FAM20B: variants seen among roughly 807,000 people sequenced by gnomAD.
The protein encoded by FAM20B is FAM20B glycosaminoglycan xylosylkinase, also known as glycosaminoglycan xylosylkinase.
FAM20B carries 23 observed loss-of-function variants against 43.8 expected under a neutral mutation model. The observed-to-expected ratio is 0.53, with a 90% CI of 0.38 to 0.74. The LOEUF is 0.74. Among genes scored for constraint, FAM20B ranks in the 30% least tolerant of loss-of-function variants. The probability of loss-of-function intolerance (pLI) is 0.00; values close to 1 mark genes in which losing one functional copy is unlikely to be tolerated. For missense variants in FAM20B, 440 were observed against 510.5 expected (o/e 0.86, Z 1.33); for synonymous variants, 178 against 192.4 (o/e 0.93, Z 0.62).
chr1:179,021,295 TA>T (rs1649602088), upstream of FAM20B, among the ~76,000 whole-genome samples: 1 of 151,840 alleles, frequency 6.6e-6, no homozygotes, highest in Non-Finnish European at 1.5e-5. Context: ...ATTGAGTCAA[TA>T]AAAAACAGCT....
At chr1:179,043,107 G>T (rs1262726538) in intron 1 of FAM20B, among the ~76,000 whole-genome samples, 2 of 152,096 alleles carry the variant, frequency 1.3e-5, no homozygotes, top group African/African-American at 4.8e-5. Context: ...CAAGCTGTTT[G>T]TACCAAGGGA....
chr1:179,028,581 AAAAC>A (rs374483150), intron 1 of FAM20B, among the ~76,000 whole-genome samples: 2,224 of 152,216 alleles, frequency 0.015, 72 homozygotes, highest in African/African-American at 0.051. Context: ...TCCGTCTCAA[AAAAC>A]AAACAAACAA....
chr1:179,021,732 A>C (rs1443228227), upstream of FAM20B, among the ~76,000 whole-genome samples: 1 of 152,232 alleles, frequency 6.6e-6, no homozygotes, highest in Non-Finnish European at 1.5e-5. Flanking sequence ...TATTTTCAGA[A>C]TAAAAAAGAA....
rs895564047 is a variant in FAM20B at position 179,072,603 on chromosome 1, C to G, written c.*459C>G. On this transcript the variant is annotated 3_prime_UTR_variant, in exon 8 of 8. Transcript: ENST00000263733. ...TAGTTACATTGGAATGCTTACTGTC[C>G]TACAGAGTGGCAGCAAATAAAACCT... The G allele has an allele frequency of 1.9e-5, 3 of 160,170 alleles. No homozygotes were observed. The highest frequency in any genetic ancestry group is 7.3e-5 in the African/African-American group (3 of 41,378). The allele number at this position is 160,170 out of a possible 1,614,324, so 9.9% of individuals were successfully genotyped here. A position where few individuals can be genotyped will look rare whatever the true frequency, so the allele number is the denominator to read the frequency against.
chr1:179,041,002 A>G (rs1303536902), intron 1 of FAM20B, among the ~76,000 whole-genome samples: 16 of 137,892 alleles, frequency 1.2e-4, no homozygotes, highest in Admixed American at 1.1e-3. Context: ...GGCGCTCCCC[A>G]CATCTCAGAC....
chr1:179,066,003 T>C (rs1315061889), intron 6 of FAM20B, among the ~76,000 whole-genome samples: 3 of 152,158 alleles, frequency 2.0e-5, no homozygotes, highest in African/African-American at 7.2e-5. Flanking sequence ...TGTGGGCTCT[T>C]CCCTCGTAAC....
At position 179,063,979 on chromosome 1, in the gene FAM20B, A is replaced by G. The variant is rs1409815003; in HGVS notation, c.627A>G (p.Pro209=). The change falls in exon 5 of 8, where the codon CCA becomes CCG. Residue 209 remains proline, a synonymous_variant. Transcript: ENST00000263733. ...GKCYYCRETE[P]ACADGDIMEG... Reference sequence around the variant, plus strand: ...GCTATTACTGCCGAGAAACAGAACCAGCTTGTGCTGATGGAGACATAATGG... The same window carrying G: ...GCTATTACTGCCGAGAAACAGAACCGGCTTGTGCTGATGGAGACATAATGG... The G allele has an allele frequency of 1.2e-6, 2 of 1,613,996 alleles. No individual in the cohort carries two copies. The highest frequency in any genetic ancestry group is 1.7e-6 in the Non-Finnish European group (2 of 1,179,900).
chr1:179,030,231 G>GTTTC (rs1161513280), intron 1 of FAM20B, among the ~76,000 whole-genome samples: 1 of 151,306 alleles, frequency 6.6e-6, no homozygotes, highest in African/African-American at 2.4e-5. Context: ...TTGTTTGTTT[G>GTTTC]TTTCTTATCG....
chr1:179,050,476 A>G (rs1238855540), intron 3 of FAM20B, 111 bp downstream of exon 3: 27 of 735,230 alleles, frequency 3.7e-5, no homozygotes, highest in Non-Finnish European at 4.7e-5. Flanking sequence ...ATAACTTGTT[A>G]TCGATTTTAG....
At chr1:179,056,612 C>T (rs1651229989) in intron 4 of FAM20B, among the ~76,000 whole-genome samples, 1 of 152,162 alleles carries the variant, frequency 6.6e-6, no homozygotes, top group Non-Finnish European at 1.5e-5. Context: ...CTGTGTATAG[C>T]TTTTTGTATT....
At chr1:179,019,443 G>T in the FAM20B span, among the ~76,000 whole-genome samples, 14 of 144,664 alleles carry the variant, frequency 9.7e-5, no homozygotes, top group East Asian at 1.4e-3. Context: ...TTTCTTTCTG[G>T]TTTTTTTTTT....
At chr1:179,053,358 C>A (rs1008827310) in intron 3 of FAM20B, among the ~76,000 whole-genome samples, 17 of 152,186 alleles carry the variant, frequency 1.1e-4, no homozygotes, top group Admixed American at 7.2e-4. Flanking sequence ...ATCACTTGAG[C>A]CCAGGAGTTC....
At chr1:179,063,545 G>A (rs909165817) in intron 4 of FAM20B, among the ~76,000 whole-genome samples, 5 of 152,152 alleles carry the variant, frequency 3.3e-5, no homozygotes, top group African/African-American at 9.7e-5. Flanking sequence ...CTGAGATCAC[G>A]CCACTGCACT....
intron 1 of FAM20B, among the ~76,000 whole-genome samples, chr1:179,040,804 C>T (rs1025428516): frequency 1.8e-4 from 27 of 151,964 alleles, no homozygotes; most frequent in African/African-American, 6.3e-4. Flanking sequence ...CGGAGACGCT[C>T]CTCACTTCCC....
At chr1:179,068,479 A>T (rs996014363) in intron 7 of FAM20B, among the ~76,000 whole-genome samples, 2 of 152,014 alleles carry the variant, frequency 1.3e-5, no homozygotes, top group Non-Finnish European at 2.9e-5. Context: ...TCTGTCACCC[A>T]GGCTAGAGTA....
intron 4 of FAM20B, among the ~76,000 whole-genome samples, chr1:179,061,752 A>G (rs1651474356): frequency 6.6e-6 from 1 of 152,064 alleles, no homozygotes; most frequent in Admixed American, 6.6e-5. Flanking sequence ...TTCTAGACCT[A>G]TTAGTTGTCA....
chr1:179,046,147 A>G (rs1035700531), intron 2 of FAM20B, among the ~76,000 whole-genome samples: 1 of 152,200 alleles, frequency 6.6e-6, no homozygotes, highest in South Asian at 2.1e-4. Context: ...GTTTGAACCC[A>G]TATTTGTTAG....
At chr1:179,043,645 G>A in intron 1 of FAM20B, 70 bp from the exon 2 acceptor site, 1 of 523,000 alleles carries the variant, frequency 1.9e-6, no homozygotes, top group Non-Finnish European at 3.4e-6. Flanking sequence ...TATATTAGAG[G>A]CTTACAAAAG....
intron 1 of FAM20B, among the ~76,000 whole-genome samples, chr1:179,031,606 A>G (rs1387431510): frequency 6.6e-6 from 1 of 152,208 alleles, no homozygotes; most frequent in African/African-American, 2.4e-5. Flanking sequence ...CTTCCTTCAG[A>G]GGGAACTTGT....
Sources: allele counts gnomAD v4.1 joint callset (sites outside exome capture counted in the v4.1 genomes callset), GRCh38; gene constraint gnomAD v4.1.1; transcripts MANE v1.5; gene names NCBI Gene and HGNC (gene_info 2026-07-23, HGNC 2026-07-21).